The following MCMBP variants were observed in gnomAD, a reference collection of about 807,000 sequenced individuals.
The protein encoded by MCMBP is minichromosome maintenance complex binding protein, also known as mini-chromosome maintenance complex-binding protein.
A neutral mutation model predicts 81.3 loss-of-function variants in MCMBP; 31 were observed. The observed-to-expected ratio is 0.38, with a 90% CI of 0.29 to 0.51. The LOEUF is 0.51. Ranked by LOEUF, MCMBP falls within the 20% of genes least tolerant of loss-of-function variation. The probability of loss-of-function intolerance (pLI) is 0.87; values close to 1 mark genes in which losing one functional copy is unlikely to be tolerated. For missense variants in MCMBP, 645 were observed against 772.1 expected (o/e 0.84, Z 1.95); for synonymous variants, 267 against 275.9 (o/e 0.97, Z 0.32).
intron 14 of MCMBP, among the ~76,000 whole-genome samples, chr10:119,834,812 T>C (rs1049229971): frequency 7.7e-6 from 1 of 130,126 alleles, no homozygotes; most frequent in Middle Eastern, 5.7e-3. Context: ...CAGTGAGCCA[T>C]GATCACAACA....
At chr10:119,857,491 ATTTAT>A in intron 4 of MCMBP, 52 bp from the exon 5 acceptor site, 1 of 1,265,122 alleles carries the variant, frequency 7.9e-7, no homozygotes, top group Non-Finnish European at 1.1e-6. Context: ...AAAACCCAAA[ATTTAT>A]TTTAAAATTA....
In MCMBP at chr10:119,853,095, G is replaced by A; in HGVS notation, c.529C>T (p.Gln177Ter). ...SYEDDDDMDL[Q>*]PNKQKDQHAG... is the part of the protein sequence containing the mutation. ...TGTTGGTCTTTCTGCTTATTGGGCT[G>A]TAGGTCCATATCGTCATCATCTTCA... The change falls in exon 6 of 16, where the codon CAG becomes TAG. Residue 177 changes from glutamine to a stop codon, truncating the protein, a stop_gained. Transcript: ENST00000369077. LOFTEE classifies it high-confidence loss of function. 6.2e-7 allele frequency: 1 copy of A among 1,614,176 alleles called. No individual in the cohort carries two copies.
In MCMBP at chr10:119,859,828, T is replaced by G. The variant is rs1310880649; in HGVS notation, c.115A>C (p.Lys39Gln). 1 of 1,613,352 alleles carries G rather than the reference T, an allele frequency of 6.2e-7. No homozygotes were observed. The highest frequency in any genetic ancestry group is 1.3e-5 in the African/African-American group (1 of 74,882). The change falls in exon 2 of 16, where the codon AAG (lysine) becomes CAG (glutamine). Residue 39 changes from lysine to glutamine, a missense_variant. By Grantham distance (53) the Lys-to-Gln change is moderately conservative (BLOSUM62 1). Coordinates refer to ENST00000369077, the MANE Select transcript of MCMBP (RefSeq NM_001256378.2). ...TTAGGAGCATTATTTTCCTTCAGCTTTTCCTTAAAATACTCAATTACTTTC... is the reference window on the plus strand; with the variant it reads ...TTAGGAGCATTATTTTCCTTCAGCTGTTCCTTAAAATACTCAATTACTTTC... ...EKKVIEYFKE[K>Q]LKENNAPKWV...
intron 1 of MCMBP, among the ~76,000 whole-genome samples, chr10:119,872,054 C>A (rs183571587): frequency 5.3e-4 from 80 of 152,276 alleles, no homozygotes; most frequent in African/African-American, 1.9e-3. Context: ...GAGTTAGAAC[C>A]AACTTCTGTG....
At chr10:119,865,318 G>A (rs545043743) in intron 1 of MCMBP, among the ~76,000 whole-genome samples, 1 of 152,264 alleles carries the variant, frequency 6.6e-6, no homozygotes, top group Non-Finnish European at 1.5e-5. Context: ...TAGGCCAGGC[G>A]TAGTGGCTTA....
At chr10:119,858,097 T>C (rs1335127689) in intron 4 of MCMBP, 1 of 152,216 alleles carries the variant, frequency 6.6e-6, no homozygotes, top group Non-Finnish European at 1.5e-5. Flanking sequence ...GATTACAGTA[T>C]CCCTTGTTTA....
At position 119,843,416 on chromosome 10, in the gene MCMBP, C is replaced by G; in HGVS notation, c.838G>C (p.Ala280Pro). ...ILNNDERDAS[A>P]LLDPMECTDT... is the part of the protein sequence containing the mutation. ...GTGCACTCCATCGGATCCAGCAGTG[C>G]AGAGGCATCCCTGTGGAGAGGTGAT... The change falls in exon 9 of 16, where the codon GCA (alanine) becomes CCA (proline). Residue 280 changes from alanine (A) to proline (P), a missense_variant. By Grantham distance (27) the Ala-to-Pro change is conservative (BLOSUM62 -1). Transcript: ENST00000369077. 6.2e-7 allele frequency: 1 copy of G among 1,613,560 alleles called. No individual in the cohort carries two copies.
chr10:119,857,548 A>G, intron 4 of MCMBP, 109 bp from the exon 5 acceptor site: 1 of 581,214 alleles, frequency 1.7e-6, no homozygotes, highest in Non-Finnish European at 3.0e-6. Context: ...CAAATATTTT[A>G]CAGATTAATT....
At chr10:119,845,413 A>AT (rs1852582746) in intron 8 of MCMBP, among the ~76,000 whole-genome samples, 1 of 152,236 alleles carries the variant, frequency 6.6e-6, no homozygotes, top group South Asian at 2.1e-4. Context: ...TATGTTGTTA[A>AT]TAAAAAAAAT....
At chr10:119,858,433 A>G (rs777071078) in intron 4 of MCMBP, among the ~76,000 whole-genome samples, 1 of 152,152 alleles carries the variant, frequency 6.6e-6, no homozygotes, top group Non-Finnish European at 1.5e-5. Flanking sequence ...TATCTGAAAG[A>G]GAACATGCCT....
intron 8 of MCMBP, among the ~76,000 whole-genome samples, chr10:119,845,588 G>A (rs1415278689): frequency 6.6e-6 from 1 of 152,160 alleles, no homozygotes; most frequent in Non-Finnish European, 1.5e-5. Context: ...CAGCAGGAAT[G>A]GGGATAGCCG....
intron 9 of MCMBP, 135 bp downstream of exon 9, chr10:119,843,119 G>A: frequency 1.0e-6 from 1 of 973,814 alleles, no homozygotes; most frequent in Admixed American, 1.8e-5. Context: ...GGCAACGAGA[G>A]AGAGATTACT....
At chr10:119,857,626 T>C in intron 4 of MCMBP, 187 bp from the exon 5 acceptor site, 1 of 444,252 alleles carries the variant, frequency 2.3e-6, no homozygotes, top group Non-Finnish European at 4.0e-6. Flanking sequence ...TCAAATACTG[T>C]CATCAAACAC....
chr10:119,850,110 A>T (rs571226765), intron 6 of MCMBP, among the ~76,000 whole-genome samples: 9 of 152,330 alleles, frequency 5.9e-5, no homozygotes, highest in African/African-American at 2.2e-4. Context: ...TAGGGCTGAT[A>T]ACATGAGAAT....
At chr10:119,846,137 T>C (rs1189733900) in intron 8 of MCMBP, among the ~76,000 whole-genome samples, 1 of 152,176 alleles carries the variant, frequency 6.6e-6, no homozygotes, top group Non-Finnish European at 1.5e-5. Flanking sequence ...AAGCATACGA[T>C]GAAGCTGCAA....
At chr10:119,838,431 G>T in intron 12 of MCMBP, 104 bp downstream of exon 12, 1 of 1,098,646 alleles carries the variant, frequency 9.1e-7, no homozygotes, top group Non-Finnish European at 1.3e-6. Flanking sequence ...ATCTTACGTT[G>T]TTAAATGTGA....
In MCMBP at chr10:119,871,965, T is replaced by G. The variant is rs1176399266; in HGVS notation, c.58+562A>C. On this transcript the variant is annotated intron_variant, in intron 1 of 15. Coordinates refer to ENST00000369077, the MANE Select transcript of MCMBP (RefSeq NM_001256378.2). ...CAGGAGCAGATCCAGACTAGATGGG[T>G]TCTAAAGTCATCCCAACAGGAAAAC... Among the ~76,000 whole-genome samples the G allele has an allele frequency of 5.3e-5, 8 of 152,248 alleles. No homozygotes were observed. The South Asian group carries it at 1.7e-3, about 32-fold the overall frequency.
At chr10:119,846,443 T>A (rs1175308706) in intron 8 of MCMBP, among the ~76,000 whole-genome samples, 1 of 152,182 alleles carries the variant, frequency 6.6e-6, no homozygotes, top group Non-Finnish European at 1.5e-5. Flanking sequence ...CAAGCAAGAA[T>A]CATCAATGAA....
In MCMBP at chr10:119,859,024, A is replaced by G. The variant is rs971759954; in HGVS notation, c.285+17T>C. 2 of 1,612,452 alleles carry G rather than the reference A, an allele frequency of 1.2e-6. No homozygotes were observed. Among genetic ancestry groups the G allele is most frequent in the Non-Finnish European group, 1.7e-6 (2 of 1,179,320 alleles). The stretch of plus-strand genomic sequence containing the variant: ...ACAAAATTAATACCACAAATTCATG[A>G]AAACAGCAATACTTACATGTGCTTT... On this transcript the variant is annotated intron_variant, in intron 3 of 15. Coordinates refer to ENST00000369077, the MANE Select transcript of MCMBP (RefSeq NM_001256378.2).
Sources: allele counts gnomAD v4.1 joint callset (sites outside exome capture counted in the v4.1 genomes callset), GRCh38; gene constraint gnomAD v4.1.1; transcripts MANE v1.5; gene names NCBI Gene and HGNC (gene_info 2026-07-23, HGNC 2026-07-21).